The following DENND1A variants were observed in gnomAD, a reference collection of about 807,000 sequenced individuals.
DENND1A encodes the protein DENN domain containing 1A, also known as DENN domain-containing protein 1A.
In DENND1A, 51 loss-of-function variants were observed where a neutral mutation model predicts 113.7. The observed-to-expected ratio is 0.45, with a 90% CI of 0.36 to 0.57. The LOEUF is 0.57. DENND1A is among the 20% of genes least tolerant of loss of function. DENND1A has a pLI of 0.00. For synonymous variants in DENND1A, 565 were observed against 570.8 expected, an observed-to-expected ratio of 0.99 and a Z score of 0.14; for missense variants, 1,258 against 1,395.9, an observed-to-expected ratio of 0.90 and a Z score of 1.57.
At chr9:123,725,063 A>G (rs1259613454) in intron 5 of DENND1A, among the ~76,000 whole-genome samples, 1 of 152,248 alleles carries the variant, frequency 6.6e-6, no homozygotes, top group East Asian at 1.9e-4. Flanking sequence ...TGAGTTCTAA[A>G]TTTATAGTAA....
At chr9:123,563,710 T>C (rs752556795) in intron 12 of DENND1A, among the ~76,000 whole-genome samples, 24 of 152,188 alleles carry the variant, frequency 1.6e-4, no homozygotes, top group Admixed American at 5.9e-4. Flanking sequence ...TATCATGTCA[T>C]TCCCTCTAAA....
chr9:123,385,668 C>T (rs914379523), intron 22 of DENND1A, among the ~76,000 whole-genome samples: 4 of 152,182 alleles, frequency 2.6e-5, no homozygotes, highest in Admixed American at 6.5e-5. Context: ...TGTACTCTCT[C>T]GCTGAAGCAA....
intron 5 of DENND1A, among the ~76,000 whole-genome samples, chr9:123,683,670 A>T (rs1328934696): frequency 6.6e-6 from 1 of 152,222 alleles, no homozygotes; most frequent in Non-Finnish European, 1.5e-5. Flanking sequence ...CTTACTAGAC[A>T]TTAAAACTCC....
chr9:123,499,676 C>T (rs2052292403), intron 13 of DENND1A, among the ~76,000 whole-genome samples: 1 of 152,230 alleles, frequency 6.6e-6, no homozygotes, highest in Admixed American at 6.5e-5. Flanking sequence ...CACACTTCAC[C>T]ACCATCTTCT....
intron 21 of DENND1A, among the ~76,000 whole-genome samples, chr9:123,396,627 T>A (rs2043153948): frequency 6.6e-6 from 1 of 152,212 alleles, no homozygotes; most frequent in Non-Finnish European, 1.5e-5. Flanking sequence ...CTTCTTCTGA[T>A]CTTATTTTAA....
chr9:123,609,327 C>T (rs1488276889), intron 11 of DENND1A, 109 bp downstream of exon 11: 4 of 1,215,088 alleles, frequency 3.3e-6, no homozygotes, highest in Non-Finnish European at 4.7e-6. Flanking sequence ...GCTGCTTCAG[C>T]ATGCTCCCAC....
chr9:123,540,818 G>A (rs1292145149), intron 13 of DENND1A, among the ~76,000 whole-genome samples: 1 of 152,182 alleles, frequency 6.6e-6, no homozygotes, highest in African/African-American at 2.4e-5. Context: ...AGACTAAGAA[G>A]CAAGATGCTA....
intron 13 of DENND1A, among the ~76,000 whole-genome samples, chr9:123,532,929 C>T (rs2055444755): frequency 6.6e-6 from 1 of 152,212 alleles, no homozygotes; most frequent in Non-Finnish European, 1.5e-5. Context: ...ATCAAAGAAG[C>T]TGCATCTTAA....
intron 12 of DENND1A, among the ~76,000 whole-genome samples, chr9:123,565,240 C>T (rs2057988402): frequency 1.3e-5 from 2 of 152,178 alleles, no homozygotes; most frequent in African/African-American, 4.8e-5. Flanking sequence ...GATCCACCCC[C>T]ATTGGCCTCC....
intron 13 of DENND1A, among the ~76,000 whole-genome samples, chr9:123,532,329 C>T (rs1017037891): frequency 6.6e-6 from 1 of 152,210 alleles, no homozygotes; most frequent in African/African-American, 2.4e-5. Flanking sequence ...TCAGAATTCA[C>T]CAACTGTCCC....
intron 2 of DENND1A, among the ~76,000 whole-genome samples, chr9:123,807,316 C>A (rs143323847): frequency 6.6e-6 from 1 of 152,112 alleles, no homozygotes; most frequent in Non-Finnish European, 1.5e-5. Context: ...TACATTACAA[C>A]AGTTTATAAT....
At chr9:123,916,336 T>C (rs1047026362) in intron 1 of DENND1A, among the ~76,000 whole-genome samples, 4 of 150,964 alleles carry the variant, frequency 2.6e-5, no homozygotes, top group African/African-American at 9.8e-5. Flanking sequence ...TCTGAGGGCC[T>C]GGCAAGAGGA....
At position 123,764,038 on chromosome 9, in the gene DENND1A, G is replaced by T. The variant is rs1408868393; in HGVS notation, c.182+5476C>A. Reference sequence around the variant, plus strand: ...GCAGAGGCAGAGATTTATGATGCAGGACAGAAGAGAAAACATTAAGGCCTG... The same window carrying T: ...GCAGAGGCAGAGATTTATGATGCAGTACAGAAGAGAAAACATTAAGGCCTG... On this transcript the variant is annotated intron_variant, in intron 4 of 23. Transcript: ENST00000394215. The surrounding 1 kb of genome is among the most constrained non-coding windows in gnomAD (Gnocchi z 4.1). Among the ~76,000 whole-genome samples the T allele has an allele frequency of 1.3e-5, 2 of 152,124 alleles. No homozygotes were observed. The highest frequency in any genetic ancestry group is 4.8e-5 in the African/African-American group (2 of 41,436).
chr9:123,917,458 G>A (rs1855367957), intron 1 of DENND1A, among the ~76,000 whole-genome samples: 2 of 152,116 alleles, frequency 1.3e-5, no homozygotes, highest in South Asian at 4.1e-4. Context: ...GGTGTTGTTG[G>A]AAATCAAGAC....
At chr9:123,397,899 T>G (rs887156157) in intron 21 of DENND1A, among the ~76,000 whole-genome samples, 1 of 152,226 alleles carries the variant, frequency 6.6e-6, no homozygotes, top group Non-Finnish European at 1.5e-5. Flanking sequence ...GGACCCTTCT[T>G]ACTTAGTACA....
chr9:123,607,520 C>CACAGAGAG (rs1258725435), intron 11 of DENND1A, among the ~76,000 whole-genome samples: 1 of 73,746 alleles, frequency 1.4e-5, no homozygotes, highest in Admixed American at 1.2e-4. Context: ...CACACACACA[C>CACAGAGAG]AGAGAGAGAG....
At chr9:123,627,532 G>C (rs2061283126) in intron 10 of DENND1A, among the ~76,000 whole-genome samples, 1 of 152,182 alleles carries the variant, frequency 6.6e-6, no homozygotes, top group Non-Finnish European at 1.5e-5. Context: ...ATGAGGTCAG[G>C]AGATCGAGAC....
intron 5 of DENND1A, among the ~76,000 whole-genome samples, chr9:123,703,425 T>A (rs2065996056): frequency 6.6e-6 from 1 of 152,204 alleles, no homozygotes; most frequent in Admixed American, 6.5e-5. Flanking sequence ...ATTATCAGCT[T>A]AAAATAACCT....
chr9:123,834,640 C>G (rs1840780189), intron 2 of DENND1A, among the ~76,000 whole-genome samples: 1 of 152,114 alleles, frequency 6.6e-6, no homozygotes, highest in Non-Finnish European at 1.5e-5. Flanking sequence ...GTCATAAGCC[C>G]TGTATATAGC....
Sources: allele counts gnomAD v4.1 joint callset (sites outside exome capture counted in the v4.1 genomes callset), GRCh38; gene constraint gnomAD v4.1.1; non-coding constraint Gnocchi (gnomAD v3.1); transcripts MANE v1.5; gene names NCBI Gene and HGNC (gene_info 2026-07-23, HGNC 2026-07-21).